The following PDE4B variants were observed in gnomAD, a reference collection of about 807,000 sequenced individuals.
The protein encoded by PDE4B is phosphodiesterase 4B.
In PDE4B, 20 loss-of-function variants were observed where a neutral mutation model predicts 82.2. That is an observed-to-expected ratio of 0.24 (90% CI 0.17 to 0.35). PDE4B has a LOEUF of 0.35. PDE4B is among the 10% of genes least tolerant of loss of function. The pLI, the probability that PDE4B is intolerant of heterozygous loss-of-function variation, is 1.00. For missense variants in PDE4B, 655 were observed against 907.2 expected, an observed-to-expected ratio of 0.72 and a Z score of 3.57; for synonymous variants, 320 against 318.9, an observed-to-expected ratio of 1.00 and a Z score of -0.04.
At chr1:65,812,442 G>A (rs529813584) in intron 1 of PDE4B, among the ~76,000 whole-genome samples, 7 of 152,158 alleles carry the variant, frequency 4.6e-5, no homozygotes, top group Admixed American at 6.6e-5. Flanking sequence ...CTGATCCAGG[G>A]CCAACTTGGA....
chr1:66,344,162 T>C (rs1661223341), intron 8 of PDE4B, among the ~76,000 whole-genome samples: 1 of 152,232 alleles, frequency 6.6e-6, no homozygotes, highest in Admixed American at 6.5e-5. Flanking sequence ...AGTCAGATGA[T>C]TTAGATACAT....
chr1:66,339,822 T>C (rs1660823606), intron 8 of PDE4B, among the ~76,000 whole-genome samples: 1 of 147,592 alleles, frequency 6.8e-6, no homozygotes, highest in Non-Finnish European at 1.5e-5. Context: ...AAAAATTGTT[T>C]AGTTTTTTTT....
chr1:65,796,871 G>A (rs969719849), intron 1 of PDE4B, among the ~76,000 whole-genome samples: 47 of 151,568 alleles, frequency 3.1e-4, no homozygotes, highest in African/African-American at 1.1e-3. Context: ...GGATGGTCCC[G>A]ATCTCCTGAC....
At chr1:66,096,089 A>T (rs1645108206) in intron 3 of PDE4B, among the ~76,000 whole-genome samples, 1 of 151,776 alleles carries the variant, frequency 6.6e-6, no homozygotes, top group African/African-American at 2.4e-5. Flanking sequence ...TAGTCATCCT[A>T]CAGTGCTATA....
intron 3 of PDE4B, among the ~76,000 whole-genome samples, chr1:65,955,795 G>A (rs1160270834): frequency 6.6e-6 from 1 of 152,090 alleles, no homozygotes; most frequent in African/African-American, 2.4e-5. Flanking sequence ...GTTACGTGCT[G>A]TTCTCACGCT....
At chr1:66,175,262 T>G (rs1646911942) in intron 3 of PDE4B, among the ~76,000 whole-genome samples, 1 of 152,218 alleles carries the variant, frequency 6.6e-6, no homozygotes, top group African/African-American at 2.4e-5. Context: ...ACAGAGTGTA[T>G]TTGTCACTGC....
chr1:66,183,483 C>T lies in PDE4B; in HGVS notation c.282-63977C>T, dbSNP rs117392086. Among the ~76,000 whole-genome samples the T allele has an allele frequency of 8.8e-4, 134 of 152,152 alleles. 3 individuals carry two copies. The East Asian group carries it at 0.019, about 21-fold the overall frequency. ...CCTTTTCCCCTCCCCTCATTTAACA[C>T]GAGCAATGACAGGAAGGACTCATAA... On this transcript the variant is annotated intron_variant, in intron 3 of 16. Coordinates refer to ENST00000341517, the MANE Select transcript of PDE4B (RefSeq NM_002600.4).
chr1:65,876,627 A>G (rs144903951), intron 1 of PDE4B, among the ~76,000 whole-genome samples: 1 of 152,226 alleles, frequency 6.6e-6, no homozygotes, highest in East Asian at 1.9e-4. Context: ...CCCCAAATAT[A>G]TGGTCTAACA....
At chr1:65,884,202 C>T (rs924838900) in intron 1 of PDE4B, among the ~76,000 whole-genome samples, 1 of 152,138 alleles carries the variant, frequency 6.6e-6, no homozygotes, top group African/African-American at 2.4e-5. Context: ...CCCTCGTTTT[C>T]TATTGATTGG....
At chr1:66,036,054 T>C (rs183855793) in intron 3 of PDE4B, among the ~76,000 whole-genome samples, 18 of 152,338 alleles carry the variant, frequency 1.2e-4, no homozygotes, top group Admixed American at 1.1e-3. Context: ...TGAAGTGATA[T>C]GTCATTGTGG....
intron 1 of PDE4B, among the ~76,000 whole-genome samples, chr1:65,847,535 T>A (rs1467610957): frequency 6.6e-6 from 1 of 152,206 alleles, no homozygotes; most frequent in Non-Finnish European, 1.5e-5. Context: ...CTTTCCTTGC[T>A]GAAAGTCCCT....
chr1:65,876,098 T>G (rs1646639669), intron 1 of PDE4B, among the ~76,000 whole-genome samples: 1 of 152,128 alleles, frequency 6.6e-6, no homozygotes, highest in African/African-American at 2.4e-5. Flanking sequence ...TTTTTTAGAA[T>G]TTAAAGAACA....
At chr1:65,918,025 G>A (rs555416497) in intron 2 of PDE4B, among the ~76,000 whole-genome samples, 9 of 152,218 alleles carry the variant, frequency 5.9e-5, no homozygotes, top group East Asian at 3.9e-4. Context: ...TTAGCCGGGC[G>A]TTGTGGTGTG....
intron 3 of PDE4B, among the ~76,000 whole-genome samples, chr1:66,238,557 G>A (rs78736336): frequency 0.013 from 1,933 of 152,248 alleles, 52 homozygotes; most frequent in African/African-American, 0.045. Context: ...TTTTAATGCC[G>A]TGGTGGAAAC....
intron 1 of PDE4B, among the ~76,000 whole-genome samples, chr1:65,865,561 G>T (rs12722982): frequency 0.13 from 20,390 of 152,064 alleles, 1,444 homozygotes; most frequent in South Asian, 0.17. Context: ...TCTGCAGATT[G>T]CAAAAACTAT....
chr1:65,850,260 C>A (rs966839111), intron 1 of PDE4B, among the ~76,000 whole-genome samples: 1 of 151,802 alleles, frequency 6.6e-6, no homozygotes, highest in Non-Finnish European at 1.5e-5. Flanking sequence ...CCATGCCCAG[C>A]TAATTTTTGT....
At chr1:66,067,448 G>A (rs1048680740) in intron 3 of PDE4B, among the ~76,000 whole-genome samples, 5 of 152,102 alleles carry the variant, frequency 3.3e-5, no homozygotes, top group East Asian at 1.9e-4. Context: ...GTGATCATGA[G>A]CATTTTTTCA....
intron 3 of PDE4B, among the ~76,000 whole-genome samples, chr1:66,185,662 T>G (rs2101434227): frequency 6.6e-6 from 1 of 152,356 alleles, no homozygotes; most frequent in African/African-American, 2.4e-5. Context: ...TCTGTTATCT[T>G]CTTCGCCCAC....
intron 3 of PDE4B, among the ~76,000 whole-genome samples, chr1:65,944,291 T>G (rs565655780): frequency 6.6e-6 from 1 of 152,086 alleles, no homozygotes; most frequent in African/African-American, 2.4e-5. Context: ...GAATCATCCT[T>G]GCATCCCTGG....
Sources: allele counts gnomAD v4.1 joint callset (sites outside exome capture counted in the v4.1 genomes callset), GRCh38; gene constraint gnomAD v4.1.1; transcripts MANE v1.5; gene names NCBI Gene and HGNC (gene_info 2026-07-23, HGNC 2026-07-21).